HIC1: variants seen among roughly 807,000 people sequenced by gnomAD.
HIC1 encodes hypermethylated in cancer 1 protein.
HIC1 carries 9 observed loss-of-function variants against 26.4 expected under a neutral mutation model. The observed-to-expected ratio is 0.34, with a 90% confidence interval of 0.21 to 0.59. HIC1 has a LOEUF of 0.59. Among genes scored for constraint, HIC1 ranks in the 20% least tolerant of loss-of-function variants. The pLI, the probability that HIC1 is intolerant of heterozygous loss-of-function variation, is 0.82. For synonymous variants in HIC1, 631 were observed against 523.1 expected, an observed-to-expected ratio of 1.21 and a Z score of -2.81; for missense variants, 965 against 1,075.7, an observed-to-expected ratio of 0.90 and a Z score of 1.44.
At chr17:2,056,347 G>T (rs913856180) in intron 1 of HIC1, 12 of 1,613,014 alleles carry the variant, frequency 7.4e-6, no homozygotes, top group Non-Finnish European at 9.3e-6. Flanking sequence ...CTTAAATCGG[G>T]TAACTGTCTC....
rs774117085 is a variant in HIC1, at chr17:2,058,002, G to C, written c.1312G>C (p.Glu438Gln). 35 of 1,605,774 alleles carry C rather than the reference G, an allele frequency of 2.2e-5. No individual in the cohort carries two copies. The highest frequency in any genetic ancestry group is 2.8e-5 in the Non-Finnish European group (33 of 1,176,784). Reference sequence around the variant, plus strand: ...CTCTGAGCAGCTGAACGCGCACGTGGAGGCTCACGTGGAGGAGGAGGAAGC... The same window carrying C: ...CTCTGAGCAGCTGAACGCGCACGTGCAGGCTCACGTGGAGGAGGAGGAAGC... ...PSSEQLNAHV[E>Q]AHVEEEEALY... Residue 438 changes from glutamate (E) to glutamine (Q), a missense_variant, in exon 2 of 2, where the codon GAG (glutamate) becomes CAG (glutamine). Coordinates refer to ENST00000619757, the MANE Select transcript of HIC1 (RefSeq NM_006497.4).
At position 2,058,642 on chromosome 17, in the gene HIC1, C is replaced by T; in HGVS notation, c.1952C>T (p.Ala651Val). 2 of 1,563,640 alleles carry T rather than the reference C, an allele frequency of 1.3e-6. No individual in the cohort carries two copies. The highest frequency in any genetic ancestry group is 1.7e-6 in the Non-Finnish European group (2 of 1,161,368). ...CTGAAGCAGCAGGACAAGGCGGCCGCGGCCGAGCTGCTGGCGCAGACCACG... is the reference window on the plus strand; with the variant it reads ...CTGAAGCAGCAGGACAAGGCGGCCGTGGCCGAGCTGCTGGCGCAGACCACG... The part of the protein sequence containing the change: ...LSLKQQDKAA[A>V]AELLAQTTHF... Residue 651 changes from alanine to valine, a missense_variant, in exon 2 of 2, where the codon GCG becomes GTG. Coordinates refer to ENST00000619757, the MANE Select transcript of HIC1 (RefSeq NM_006497.4).
At chr17:2,056,407 C>A in intron 1 of HIC1, 2 of 1,550,964 alleles carry the variant, frequency 1.3e-6, no homozygotes, top group Non-Finnish European at 1.8e-6. Flanking sequence ...GCCCCAGCAC[C>A]CAGCCAGGTG....
chr17:2,059,069 G>T lies in HIC1; in HGVS notation c.*234G>T, dbSNP rs1368089126. The T allele has an allele frequency of 2.2e-6, 1 of 463,458 alleles. No individual in the cohort carries two copies. Among genetic ancestry groups the T allele is most frequent in the East Asian group, 3.7e-5 (1 of 27,232 alleles). The allele number at this position is 463,458 out of a possible 1,614,324, so 28.7% of individuals were successfully genotyped here. On this transcript the variant is annotated 3_prime_UTR_variant, in exon 2 of 2. Coordinates refer to ENST00000619757, the MANE Select transcript of HIC1 (RefSeq NM_006497.4). Reference sequence around the variant, plus strand: ...TGGGGTAAGGGAAATTTATATTTTTGATATCAGCTTTGACCAAAGGAGACC... The same window carrying T: ...TGGGGTAAGGGAAATTTATATTTTTTATATCAGCTTTGACCAAAGGAGACC...
chr17:2,057,071 G>C lies in HIC1; in HGVS notation c.381G>C (p.Lys127Asn). The change falls in exon 2 of 2, where the codon AAG (lysine) becomes AAC (asparagine). Residue 127 changes from lysine to asparagine, a missense_variant. Around this residue, in one of 6 missense-constraint regions of HIC1, gnomAD observed 526 missense variants for 525.0 expected, o/e 1.00. Transcript: ENST00000619757. ...LQIPDLVALC[K>N]KRLKRHGKYC... is the part of the protein sequence containing the mutation. ...TCCCCGACCTCGTGGCGCTGTGCAA[G>C]AAACGCCTCAAGCGCCACGGCAAGT... is the stretch of plus-strand genomic sequence containing the variant. 7.0e-7 allele frequency: 1 copy of C among 1,432,552 alleles called. No individual in the cohort carries two copies. The highest frequency in any genetic ancestry group is 9.1e-7 in the Non-Finnish European group (1 of 1,100,296). The allele number at this position is 1,432,552 out of a possible 1,614,324, so 88.7% of individuals were successfully genotyped here. A position where few individuals can be genotyped will look rare whatever the true frequency, so the allele number is the denominator to read the frequency against.
intron 1 of HIC1, chr17:2,056,248 G>A (rs2067671275): frequency 5.6e-6 from 8 of 1,425,722 alleles, no homozygotes; most frequent in Admixed American, 1.7e-5. Flanking sequence ...CTTCTCCCGA[G>A]GCGGGAGGCG....
Position 2,061,466 on chromosome 17 carries a change from G to T in HIC1, c.*2631G>T, listed in dbSNP as rs766483955. On this transcript the variant is annotated 3_prime_UTR_variant, in exon 2 of 2. Coordinates refer to ENST00000619757, the MANE Select transcript of HIC1 (RefSeq NM_006497.4). ...GGTGGCCTTTCAGGAACGGTTCCAC[G>T]GGGGGGGGGCCCCAGTGTGGCTCCC... 7 of 1,236,438 alleles carry T rather than the reference G, an allele frequency of 5.7e-6. No individual in the cohort carries two copies. Among genetic ancestry groups the T allele is most frequent in the African/African-American group, 3.2e-5 (1 of 30,882 alleles). The allele number at this position is 1,236,438 out of a possible 1,614,324, so 76.6% of individuals were successfully genotyped here. A position where few individuals can be genotyped will look rare whatever the true frequency, so the allele number is the denominator to read the frequency against.
In HIC1 at chr17:2,056,654, GGT is replaced by G; in HGVS notation, c.-20-10_-20-9del. ...GGCGCCGCACGGCTCTCACCCGGCC[GGT>G]GTGTGTCCCCGCAGGAGAGTGTGCT... On this transcript the variant is annotated splice_polypyrimidine_tract_variant and intron_variant, in intron 1 of 1. Transcript: ENST00000619757. The G allele has an allele frequency of 1.3e-6, 2 of 1,526,472 alleles. No individual in the cohort carries two copies. The highest frequency in any genetic ancestry group is 1.8e-6 in the Non-Finnish European group (2 of 1,132,872). 94.6% of individuals were successfully genotyped at this position (1,526,472 alleles called of 1,614,324 possible).
In HIC1 at chr17:2,059,974, G is replaced by A. The variant is rs1255726333; in HGVS notation, c.*1139G>A. ...GCTGGGGAGAGAATCTTAAAGGAGA[G>A]GCCGGGGACCCTGTACTCCAAAGAG... On this transcript the variant is annotated 3_prime_UTR_variant, in exon 2 of 2. Transcript: ENST00000619757. The A allele has an allele frequency of 1.3e-5, 2 of 152,348 alleles. No individual in the cohort carries two copies. Among genetic ancestry groups the A allele is most frequent in the African/African-American group, 4.8e-5 (2 of 41,458 alleles). The allele number at this position is 152,348 out of a possible 1,614,324, so 9.4% of individuals were successfully genotyped here.
chr17:2,056,357 C>A, intron 1 of HIC1: 1 of 1,612,260 alleles, frequency 6.2e-7, no homozygotes, highest in Non-Finnish European at 8.5e-7. Context: ...GTAACTGTCT[C>A]CAAAAGGGTC....
intron 1 of HIC1, chr17:2,056,222 C>T (rs1470651373): frequency 3.5e-6 from 4 of 1,157,474 alleles, no homozygotes; most frequent in Non-Finnish European, 5.2e-6. Flanking sequence ...CGTATCACTT[C>T]CCCCAACTGG....
Position 2,058,939 on chromosome 17 carries a change from C to A in HIC1, c.*104C>A. The A allele has an allele frequency of 9.5e-7, 1 of 1,052,330 alleles. No individual in the cohort carries two copies. 65.2% of individuals were successfully genotyped at this position (1,052,330 alleles called of 1,614,324 possible). A position where few individuals can be genotyped will look rare whatever the true frequency, so the allele number is the denominator to read the frequency against. On this transcript the variant is annotated 3_prime_UTR_variant, in exon 2 of 2. Coordinates refer to ENST00000619757, the MANE Select transcript of HIC1 (RefSeq NM_006497.4). ...GGGCCCACTGTGCCCGGGACAACCG[C>A]AGCGTCGCCACAGTGGCGGCTCCAC...
rs1238560402 is a variant in HIC1 at position 2,055,945 on chromosome 17, G to A, written c.-21+707G>A. ...TGGGGCGCAGGCCCGGGTCAGGGCC[G>A]CAGCCGGCTGTGCGCCGTGCCCGCC... On this transcript the variant is annotated intron_variant, in intron 1 of 1. Transcript: ENST00000619757. The surrounding 1 kb of genome is among the most constrained non-coding windows in gnomAD (Gnocchi z 6.4). Among the ~76,000 whole-genome samples, 1 of 149,976 alleles carries A rather than the reference G, an allele frequency of 6.7e-6. No homozygotes were observed. Among genetic ancestry groups the A allele is most frequent in the African/African-American group, 2.4e-5 (1 of 41,142 alleles).
Position 2,056,677 on chromosome 17 carries a change from G to T in HIC1, c.-14G>T. On this transcript the variant is annotated 5_prime_UTR_variant, in exon 2 of 2. Transcript: ENST00000619757. ...CCGGTGTGTGTCCCCGCAGGAGAGT[G>T]TGCTGGGCAGACGATGCTGGACACG... 3.2e-6 allele frequency: 5 copies of T among 1,573,536 alleles called. No individual in the cohort carries two copies. Among genetic ancestry groups the T allele is most frequent in the Middle Eastern group, 3.4e-4 (2 of 5,942 alleles).
rs2067813653 is a variant in HIC1 at position 2,062,523 on chromosome 17, T to C, written c.*3688T>C. 2 of 151,294 alleles carry C rather than the reference T, an allele frequency of 1.3e-5. No individual in the cohort carries two copies. The allele number at this position is 151,294 out of a possible 1,614,324, so 9.4% of individuals were successfully genotyped here. A position where few individuals can be genotyped will look rare whatever the true frequency, so the allele number is the denominator to read the frequency against. The stretch of plus-strand genomic sequence containing the variant: ...TGACTTTTTTTTTTTTTAAGCACAG[T>C]CTCTCCACTACCTCTCTTTCCCTAA... On this transcript the variant is annotated 3_prime_UTR_variant, in exon 2 of 2. Transcript: ENST00000619757.
chr17:2,060,724 G>A lies in HIC1; in HGVS notation c.*1889G>A, dbSNP rs903158. On this transcript the variant is annotated 3_prime_UTR_variant, in exon 2 of 2. Transcript: ENST00000619757. Reference sequence around the variant, plus strand: ...ACGGAAAGAAAGGCCAGTGAGGAGAGAGGGAGCAGGTGGAGGCCACCCGAG... The same window carrying A: ...ACGGAAAGAAAGGCCAGTGAGGAGAAAGGGAGCAGGTGGAGGCCACCCGAG... 108,016 of 152,142 alleles carry A rather than the reference G, an allele frequency of 0.71. 39,099 individuals carry two copies. The highest frequency in any genetic ancestry group is 0.87 in the East Asian group (4,502 of 5,152). 9.4% of individuals were successfully genotyped at this position (152,142 alleles called of 1,614,324 possible).
At position 2,061,804 on chromosome 17, in the gene HIC1, A is replaced by T; in HGVS notation, c.*2969A>T. The T allele has an allele frequency of 1.6e-6, 1 of 633,494 alleles. No individual in the cohort carries two copies. Among genetic ancestry groups the T allele is most frequent in the Non-Finnish European group, 2.7e-6 (1 of 369,048 alleles). 39.2% of individuals were successfully genotyped at this position (633,494 alleles called of 1,614,324 possible). A position where few individuals can be genotyped will look rare whatever the true frequency, so the allele number is the denominator to read the frequency against. On this transcript the variant is annotated 3_prime_UTR_variant, in exon 2 of 2. Transcript: ENST00000619757. The stretch of plus-strand genomic sequence containing the variant: ...CCCGGGGACCCTCCCCTGCTGGCCT[A>T]GAGAGGGCTGCACTGGGCTTCTGCC...
Position 2,057,611 on chromosome 17 carries a change from T to G in HIC1, c.921T>G (p.Ser307Arg). Reference protein sequence around the residue: ...PEPPGRPDGPSLLYRWMKHEP... With the variant: ...PEPPGRPDGPRLLYRWMKHEP... ...CCCCCGGCCGCCCCGACGGGCCTAG[T>G]CTCCTCTATCGCTGGATGAAGCACG... Residue 307 changes from serine to arginine, a missense_variant, in exon 2 of 2, where the codon AGT (serine) becomes AGG (arginine). Transcript: ENST00000619757. 1 of 1,512,314 alleles carries G rather than the reference T, an allele frequency of 6.6e-7. No individual in the cohort carries two copies. 93.7% of individuals were successfully genotyped at this position (1,512,314 alleles called of 1,614,324 possible).
Position 2,058,615 on chromosome 17 carries a change from G to T in HIC1, c.1925G>T (p.Ser642Ile). 6.4e-7 allele frequency: 1 copy of T among 1,560,068 alleles called. No homozygotes were observed. The highest frequency in any genetic ancestry group is 8.6e-7 in the Non-Finnish European group (1 of 1,160,724). The part of the protein sequence containing the change: ...AVARLTAEQL[S>I]LKQQDKAAAA... The stretch of plus-strand genomic sequence containing the variant: ...GCTCGCCTCACGGCCGAGCAGCTGA[G>T]CCTGAAGCAGCAGGACAAGGCGGCC... Residue 642 changes from serine (S) to isoleucine (I), a missense_variant, in exon 2 of 2, where the codon AGC (serine) becomes ATC (isoleucine). Coordinates refer to ENST00000619757, the MANE Select transcript of HIC1 (RefSeq NM_006497.4).
Sources: allele counts gnomAD v4.1 joint callset (sites outside exome capture counted in the v4.1 genomes callset), GRCh38; gene constraint gnomAD v4.1.1; regional missense constraint gnomAD v4.1.1; non-coding constraint Gnocchi (gnomAD v3.1); transcripts MANE v1.5; gene names NCBI Gene and HGNC (gene_info 2026-07-23, HGNC 2026-07-21).